KCNH7: variants seen among roughly 807,000 people sequenced by gnomAD.
KCNH7 encodes voltage-gated inwardly rectifying potassium channel KCNH7.
In KCNH7, 49 loss-of-function variants were observed where a neutral mutation model predicts 120.8. The observed-to-expected ratio is 0.41, with a 90% confidence interval of 0.32 to 0.51. The LOEUF is 0.51. KCNH7 is among the 20% of genes least tolerant of loss of function. The pLI is 0.38. For synonymous variants in KCNH7, 547 were observed against 516.1 expected, an observed-to-expected ratio of 1.06 and a Z score of -0.81; for missense variants, 1,097 against 1,446.6, an observed-to-expected ratio of 0.76 and a Z score of 3.92.
chr2:162,533,319 T>C (rs1423224159), intron 3 of KCNH7, among the ~76,000 whole-genome samples: 1 of 151,682 alleles, frequency 6.6e-6, no homozygotes, highest in East Asian at 1.9e-4. Context: ...ACACATCAGT[T>C]GCGTCAATAA....
chr2:162,512,364 G>A (rs1250459823), intron 5 of KCNH7, among the ~76,000 whole-genome samples: 1 of 151,722 alleles, frequency 6.6e-6, no homozygotes, highest in East Asian at 2.0e-4. Flanking sequence ...AATATATTTA[G>A]CTTGATATTT....
intron 5 of KCNH7, among the ~76,000 whole-genome samples, chr2:162,511,182 T>C: frequency 6.6e-6 from 1 of 151,768 alleles, no homozygotes; most frequent in East Asian, 1.9e-4. Flanking sequence ...AATTGTTTTA[T>C]GACACTAAAA....
chr2:162,419,218 A>G (rs941462665), intron 9 of KCNH7, among the ~76,000 whole-genome samples: 1 of 139,314 alleles, frequency 7.2e-6, no homozygotes, highest in Non-Finnish European at 1.5e-5. Context: ...CTAGGCTCTT[A>G]TTCCAACTAC....
chr2:162,723,521 G>C (rs1219662879), intron 2 of KCNH7, among the ~76,000 whole-genome samples: 4 of 152,072 alleles, frequency 2.6e-5, no homozygotes, highest in Non-Finnish European at 5.9e-5. Flanking sequence ...TGAAGGCAGG[G>C]GGCTACCATA....
chr2:162,587,183 T>C (rs1694048250), intron 2 of KCNH7, among the ~76,000 whole-genome samples: 1 of 152,152 alleles, frequency 6.6e-6, no homozygotes, highest in African/African-American at 2.4e-5. Context: ...ATGAATGACC[T>C]GCCAGTCCCA....
chr2:162,710,828 C>T (rs1464178901), intron 2 of KCNH7, among the ~76,000 whole-genome samples: 1 of 152,030 alleles, frequency 6.6e-6, no homozygotes, highest in Non-Finnish European at 1.5e-5. Context: ...AAGCTGGGCA[C>T]CCTGACTTTT....
In KCNH7 at chr2:162,748,991, T is replaced by TTCCTTCCTTCCTTCC. The variant is rs1559114097; in HGVS notation, c.307+87545_307+87546insGGAAGGAAGGAAGGA. ...CCTTCCTTCCTTCCTTCCTTCCTTCTTTCCTCTCTTTTGCACTGAAAAGCA... is the reference window on the plus strand; with the variant it reads ...CCTTCCTTCCTTCCTTCCTTCCTTCTTCCTTCCTTCCTTCCTTCCTCTCTTTTGCACTGAAAAGCA... On this transcript the variant is annotated intron_variant, in intron 2 of 15. Transcript: ENST00000332142. Among the ~76,000 whole-genome samples the TTCCTTCCTTCCTTCC allele has an allele frequency of 4.9e-4, 42 of 84,936 alleles. 5 individuals carry two copies. Among genetic ancestry groups the TTCCTTCCTTCCTTCC allele is most frequent in the African/African-American group, 1.0e-3 (17 of 16,640 alleles). The allele number at this position is 84,936 out of a possible 152,430, so 55.7% of individuals were successfully genotyped here.
intron 6 of KCNH7, among the ~76,000 whole-genome samples, chr2:162,495,895 C>T (rs754097744): frequency 6.6e-6 from 1 of 152,160 alleles, no homozygotes; most frequent in Non-Finnish European, 1.5e-5. Flanking sequence ...AGCTAAGCCC[C>T]ATGCATCCAA....
chr2:162,505,785 T>C (rs1288705034), intron 5 of KCNH7, among the ~76,000 whole-genome samples: 1 of 151,940 alleles, frequency 6.6e-6, no homozygotes, highest in Non-Finnish European at 1.5e-5. Flanking sequence ...CATAGTTGCC[T>C]TTGTTATTTT....
intron 2 of KCNH7, chr2:162,784,544 C>T (rs550674191): frequency 5.9e-5 from 9 of 152,242 alleles, no homozygotes; most frequent in Non-Finnish European, 1.0e-4. Flanking sequence ...GAATTAACTT[C>T]GTGTTAAGTG....
intron 2 of KCNH7, among the ~76,000 whole-genome samples, chr2:162,763,090 G>T (rs1689021481): frequency 6.6e-6 from 1 of 151,906 alleles, no homozygotes; most frequent in African/African-American, 2.4e-5. Flanking sequence ...TTTTCTATAA[G>T]AATTTCAGGA....
At position 162,694,477 on chromosome 2, in the gene KCNH7, A is replaced by AGTGTGTGT. The variant is rs71009366; in HGVS notation, c.307+142052_307+142059dup. 8.7e-3 allele frequency among the ~76,000 whole-genome samples: 1,273 copies of AGTGTGTGT among 146,390 alleles called. 20 individuals carry two copies. The highest frequency in any genetic ancestry group is 0.029 in the African/African-American group (1,156 of 40,264). On this transcript the variant is annotated intron_variant, in intron 2 of 15. Transcript: ENST00000332142. ...TGGTGCGTGTGGGTATGTGTGAAAG[A>AGTGTGTGT]GTGTGTGTGTGTGTGTGTGTGTGTG...
chr2:162,375,753 T>G (rs1452153929), intron 14 of KCNH7, among the ~76,000 whole-genome samples: 1 of 151,688 alleles, frequency 6.6e-6, no homozygotes, highest in African/African-American at 2.4e-5. Flanking sequence ...CATGGCAAAA[T>G]CCTCAATAAT....
At chr2:162,613,809 C>T (rs564829101) in intron 2 of KCNH7, among the ~76,000 whole-genome samples, 15 of 151,768 alleles carry the variant, frequency 9.9e-5, no homozygotes, top group Admixed American at 6.6e-4. Context: ...AAAAATAACA[C>T]GTAAGAAGGG....
intron 9 of KCNH7, among the ~76,000 whole-genome samples, chr2:162,418,143 C>T (rs1198313211): frequency 2.0e-5 from 3 of 152,116 alleles, no homozygotes; most frequent in Non-Finnish European, 4.4e-5. Flanking sequence ...TTTTCAAGTG[C>T]ATTGTGCAAA....
intron 2 of KCNH7, among the ~76,000 whole-genome samples, chr2:162,584,901 CT>C (rs5835912): frequency 0.08 from 10,080 of 126,374 alleles, 425 homozygotes; most frequent in East Asian, 0.16. Context: ...CAATCCCCAG[CT>C]TTTTTTTTTT....
At chr2:162,620,236 C>A (rs1683303862) in intron 2 of KCNH7, among the ~76,000 whole-genome samples, 2 of 150,572 alleles carry the variant, frequency 1.3e-5, no homozygotes, top group South Asian at 4.2e-4. Context: ...AGAGGAAAAT[C>A]TCTTAATATA....
At chr2:162,487,251 A>G (rs999785729) in intron 6 of KCNH7, among the ~76,000 whole-genome samples, 6 of 152,236 alleles carry the variant, frequency 3.9e-5, no homozygotes, top group African/African-American at 1.2e-4. Context: ...ATCTACAGAA[A>G]GAGACATAAC....
chr2:162,382,398 C>A (rs1275205939), intron 13 of KCNH7, among the ~76,000 whole-genome samples: 2 of 152,006 alleles, frequency 1.3e-5, no homozygotes, highest in African/African-American at 4.8e-5. Flanking sequence ...AAATGAACAT[C>A]CTTGTAGACA....
Sources: gnomAD v4.1 joint callset for allele counts (sites outside exome capture counted in the v4.1 genomes callset) on GRCh38, gnomAD v4.1.1 for gene constraint, MANE v1.5 for transcripts, NCBI Gene and HGNC (gene_info 2026-07-23, HGNC 2026-07-21) for gene names.